MSRA: variants seen among roughly 807,000 people sequenced by gnomAD.
MSRA encodes mitochondrial peptide methionine sulfoxide reductase.
Under a neutral mutation model 31.3 loss-of-function variants are expected in MSRA, and 54 were observed. The ratio of observed to expected loss-of-function variants is 1.73; its 90% CI spans 1.39 to 2.17. The LOEUF is 2.17. MSRA is among the 30% of genes most tolerant of loss of function. MSRA has a pLI of 0.00. For synonymous variants in MSRA, 169 were observed against 116.5 expected (o/e 1.45, Z -2.90); for missense variants, 507 against 300.9 (o/e 1.69, Z -5.07).
chr8:10,151,568 T>G (rs1332014674), intron 1 of MSRA, among the ~76,000 whole-genome samples: 1 of 152,006 alleles, frequency 6.6e-6, no homozygotes, highest in African/African-American at 2.4e-5. Flanking sequence ...GAGAATGGTG[T>G]GAACCCGGGA....
At chr8:10,068,770 C>G (rs541967902) in intron 1 of MSRA, among the ~76,000 whole-genome samples, 1 of 152,052 alleles carries the variant, frequency 6.6e-6, no homozygotes, top group South Asian at 2.1e-4. Context: ...TTTTTTTCCC[C>G]CTTTCCATAT....
At chr8:10,203,972 A>T (rs916771652) in intron 1 of MSRA, among the ~76,000 whole-genome samples, 5 of 151,860 alleles carry the variant, frequency 3.3e-5, no homozygotes, top group African/African-American at 1.2e-4. Context: ...TAAAAAATGA[A>T]AATTTTAAAA....
At chr8:10,355,099 T>C (rs1045434673) in intron 5 of MSRA, among the ~76,000 whole-genome samples, 1 of 152,242 alleles carries the variant, frequency 6.6e-6, no homozygotes, top group African/African-American at 2.4e-5. Context: ...TGGTAGCCCA[T>C]AACTCTTTAC....
chr8:10,287,008 C>T (rs946859076), intron 3 of MSRA, among the ~76,000 whole-genome samples: 1 of 152,218 alleles, frequency 6.6e-6, no homozygotes, highest in Non-Finnish European at 1.5e-5. Context: ...ATTCTAGCTA[C>T]AGTGCCAATG....
At chr8:10,329,888 C>G (rs1228683826) in intron 5 of MSRA, among the ~76,000 whole-genome samples, 1 of 151,742 alleles carries the variant, frequency 6.6e-6, no homozygotes, top group Non-Finnish European at 1.5e-5. Context: ...TACATCTCTA[C>G]CTTCAAAACA....
chr8:10,241,672 G>C (rs1479389179), intron 2 of MSRA, among the ~76,000 whole-genome samples: 1 of 152,164 alleles, frequency 6.6e-6, no homozygotes, highest in Non-Finnish European at 1.5e-5. Context: ...TCTAGGCATT[G>C]AGCACCCATC....
chr8:10,304,406 C>T (rs1256254864), intron 4 of MSRA, among the ~76,000 whole-genome samples: 1 of 152,194 alleles, frequency 6.6e-6, no homozygotes, highest in African/African-American at 2.4e-5. Context: ...TAAATGTTAA[C>T]ATGAAATCAT....
intron 3 of MSRA, among the ~76,000 whole-genome samples, chr8:10,278,756 A>G (rs1799459963): frequency 6.6e-6 from 1 of 152,224 alleles, no homozygotes; most frequent in Non-Finnish European, 1.5e-5. Context: ...AATGGTTAGT[A>G]TTTGTGAGTA....
intron 5 of MSRA, among the ~76,000 whole-genome samples, chr8:10,398,080 G>C (rs1807212665): frequency 6.6e-6 from 1 of 152,174 alleles, no homozygotes; most frequent in Non-Finnish European, 1.5e-5. Flanking sequence ...ATCTACTTTG[G>C]AGTCTATTAA....
At chr8:10,164,288 A>G (rs1244508268) in intron 1 of MSRA, among the ~76,000 whole-genome samples, 1 of 152,120 alleles carries the variant, frequency 6.6e-6, no homozygotes, top group Admixed American at 6.5e-5. Flanking sequence ...GTTCCTGTTA[A>G]ATTTCCTGTA....
intron 3 of MSRA, among the ~76,000 whole-genome samples, chr8:10,266,690 A>C (rs1798765481): frequency 6.6e-6 from 1 of 152,100 alleles, no homozygotes; most frequent in Non-Finnish European, 1.5e-5. Flanking sequence ...TTTTTTCAGA[A>C]ATTGTATAGT....
intron 1 of MSRA, among the ~76,000 whole-genome samples, chr8:10,128,029 T>G (rs1452515930): frequency 1.3e-5 from 2 of 152,112 alleles, no homozygotes; most frequent in Non-Finnish European, 2.9e-5. Flanking sequence ...AGAGGAGAAC[T>G]GCGGATCTTG....
Position 10,428,454 on chromosome 8 carries a change from A to G in MSRA, c.*142A>G. 2.2e-6 allele frequency: 2 copies of G among 892,194 alleles called. No homozygotes were observed. Among genetic ancestry groups the G allele is most frequent in the East Asian group, 5.3e-5 (2 of 37,384 alleles). The allele number at this position is 892,194 out of a possible 1,614,324, so 55.3% of individuals were successfully genotyped here. A position where few individuals can be genotyped will look rare whatever the true frequency, so the allele number is the denominator to read the frequency against. On this transcript the variant is annotated 3_prime_UTR_variant, in exon 6 of 6. Transcript: ENST00000317173. ...ATACAGATTGGGTTTACCGAAGTAT[A>G]ATCTATAGGAGGCGCGATGGCAAGT...
chr8:10,380,468 C>T (rs1383604297), intron 5 of MSRA, among the ~76,000 whole-genome samples: 1 of 152,206 alleles, frequency 6.6e-6, no homozygotes, highest in Non-Finnish European at 1.5e-5. Context: ...TTCTTTAAGG[C>T]TATTCCAAGG....
intron 2 of MSRA, among the ~76,000 whole-genome samples, chr8:10,231,032 C>T (rs551508230): frequency 6.6e-6 from 1 of 152,170 alleles, no homozygotes; most frequent in Non-Finnish European, 1.5e-5. Flanking sequence ...TGATTCCCCC[C>T]ACCTTGGCCT....
At chr8:10,126,041 T>G (rs1801474102) in intron 1 of MSRA, among the ~76,000 whole-genome samples, 1 of 152,202 alleles carries the variant, frequency 6.6e-6, no homozygotes, top group African/African-American at 2.4e-5. Flanking sequence ...TTCTCCATCT[T>G]TAGAAGGAAA....
rs530072070 is a variant in MSRA, at chr8:10,200,217, G to A, written c.143-7616G>A. On this transcript the variant is annotated intron_variant, in intron 1 of 5. Transcript: ENST00000317173. ...GGTCGTGGAGGGCGGGGTTGACTGC[G>A]GGGAGGCCGTGGTCAGAGCAAGAGG... Among the ~76,000 whole-genome samples the A allele has an allele frequency of 3.0e-4, 45 of 152,308 alleles. No homozygotes were observed. In the South Asian group the frequency reaches 9.1e-3, roughly 31 times the overall value.
chr8:10,337,486 T>C (rs1309528638), intron 5 of MSRA: 14 of 533,404 alleles, frequency 2.6e-5, no homozygotes, highest in Non-Finnish European at 4.7e-5. Flanking sequence ...GCCAAGCCTA[T>C]GTCGCTTTTA....
In MSRA at chr8:10,323,764, G is replaced by GTGTGTGTGTGTGTC. The variant is rs1163061823; in HGVS notation, c.543+3786_543+3787insGTCTGTGTGTGTGT. Among the ~76,000 whole-genome samples, 147 of 151,616 alleles carry GTGTGTGTGTGTGTC rather than the reference G, an allele frequency of 9.7e-4. 1 individual carries two copies. Among genetic ancestry groups the GTGTGTGTGTGTGTC allele is most frequent in the Non-Finnish European group, 8.7e-4 (59 of 67,894 alleles). On this transcript the variant is annotated intron_variant, in intron 5 of 5. Transcript: ENST00000317173. ...TAAATACGTGTGTGTGTGTGTGTGT[G>GTGTGTGTGTGTGTC]TGTGTGTGTGTCTGTGTCTGTCTGT...
Sources: gnomAD v4.1 joint callset for allele counts (sites outside exome capture counted in the v4.1 genomes callset) on GRCh38, gnomAD v4.1.1 for gene constraint, MANE v1.5 for transcripts, NCBI Gene and HGNC (gene_info 2026-07-23, HGNC 2026-07-21) for gene names.